Variants in GPR139 observed in about 807,000 individuals in gnomAD.
The protein encoded by GPR139 is G protein-coupled receptor 139.
Under a neutral mutation model 25.8 loss-of-function variants are expected in GPR139, and 12 were observed. That is an observed-to-expected ratio of 0.47 (90% CI 0.30 to 0.75). The LOEUF is 0.75. GPR139 is among the 30% of genes least tolerant of loss of function. The pLI is 0.07. For missense variants in GPR139, 380 were observed against 450.2 expected (o/e 0.84, Z 1.41); for synonymous variants, 184 against 179.9 (o/e 1.02, Z -0.18).
At chr16:20,061,135 C>T (rs1180440101) in intron 1 of GPR139, among the ~76,000 whole-genome samples, 8 of 151,934 alleles carry the variant, frequency 5.3e-5, no homozygotes, top group South Asian at 2.1e-4. Flanking sequence ...TGGTTCACCA[C>T]GTACCTAGCA....
In GPR139 at chr16:20,029,228, A is replaced by G. The variant is rs182436732; in HGVS notation, c.*2507T>C. Among the ~76,000 whole-genome samples the G allele has an allele frequency of 2.4e-3, 360 of 151,996 alleles. 1 individual carries two copies. The highest frequency in any genetic ancestry group is 8.2e-3 in the African/African-American group (339 of 41,328). ...AATACCACGTGGTAGAGCCTCTATC[A>G]TCGAGAAGTAATAAATTAAAGTGTC... On this transcript the variant is annotated 3_prime_UTR_variant, in exon 2 of 2. Coordinates refer to ENST00000570682, the MANE Select transcript of GPR139 (RefSeq NM_001002911.4).
At chr16:20,042,420 C>G (rs1456830664) in intron 1 of GPR139, among the ~76,000 whole-genome samples, 2 of 152,178 alleles carry the variant, frequency 1.3e-5, no homozygotes, top group Non-Finnish European at 2.9e-5. Context: ...ATTCCAGGCA[C>G]TAACAACCCT....
intron 1 of GPR139, among the ~76,000 whole-genome samples, chr16:20,057,661 A>G (rs2057394872): frequency 6.6e-6 from 1 of 151,818 alleles, no homozygotes; most frequent in Non-Finnish European, 1.5e-5. Flanking sequence ...CAGGCCCCCT[A>G]CCATGTGCCA....
At chr16:20,051,917 G>A (rs1157058670) in intron 1 of GPR139, among the ~76,000 whole-genome samples, 2 of 152,210 alleles carry the variant, frequency 1.3e-5, no homozygotes, top group Non-Finnish European at 2.9e-5. Flanking sequence ...CATACTTGCT[G>A]TGTGATGTTG....
At chr16:20,061,480 C>T (rs2057414285) in intron 1 of GPR139, among the ~76,000 whole-genome samples, 1 of 152,122 alleles carries the variant, frequency 6.6e-6, no homozygotes, top group South Asian at 2.1e-4. Flanking sequence ...GATGGCTGGA[C>T]AAATGAGTCA....
intron 1 of GPR139, among the ~76,000 whole-genome samples, chr16:20,057,601 C>A (rs542439716): frequency 6.6e-6 from 1 of 151,866 alleles, no homozygotes; most frequent in South Asian, 2.1e-4. Context: ...TCCCTCCACC[C>A]ATCCCTCCAT....
At chr16:20,055,966 C>T (rs905864260) in intron 1 of GPR139, among the ~76,000 whole-genome samples, 1 of 152,224 alleles carries the variant, frequency 6.6e-6, no homozygotes, top group Non-Finnish European at 1.5e-5. Flanking sequence ...GTGTTTAAAA[C>T]AGTATCTAAC....
chr16:20,055,032 A>G (rs1386411882), intron 1 of GPR139, among the ~76,000 whole-genome samples: 1 of 152,030 alleles, frequency 6.6e-6, no homozygotes, highest in African/African-American at 2.4e-5. Context: ...CCAGCCCCAG[A>G]TTATTTCATC....
At chr16:20,048,593 C>T (rs960690794) in intron 1 of GPR139, among the ~76,000 whole-genome samples, 6 of 152,182 alleles carry the variant, frequency 3.9e-5, no homozygotes, top group East Asian at 1.9e-4. Flanking sequence ...AGCAGGATAT[C>T]GCATGCCCCA....
chr16:20,052,453 A>G (rs928267548), intron 1 of GPR139, among the ~76,000 whole-genome samples: 1 of 152,250 alleles, frequency 6.6e-6, no homozygotes, highest in Non-Finnish European at 1.5e-5. Flanking sequence ...GCTGCTGATG[A>G]GACACGATTC....
chr16:20,053,694 G>A (rs1016780968), intron 1 of GPR139, among the ~76,000 whole-genome samples: 14 of 152,140 alleles, frequency 9.2e-5, no homozygotes, highest in African/African-American at 3.4e-4. Context: ...TAATCATTAC[G>A]AGATATTTCA....
In GPR139 at chr16:20,032,142, G is replaced by A. The variant is rs771899095; in HGVS notation, c.655C>T (p.Arg219Cys). 1.2e-6 allele frequency: 2 copies of A among 1,614,170 alleles called. No individual in the cohort carries two copies. Among genetic ancestry groups the A allele is most frequent in the Non-Finnish European group, 8.5e-7 (1 of 1,180,042 alleles). Residue 219 changes from arginine (R) to cysteine (C), a missense_variant, in exon 2 of 2, where the codon CGT (arginine) becomes TGT (cysteine). By Grantham distance (180) the Arg-to-Cys change is radical. Transcript: ENST00000570682. ...KLRRKSNFRL[R>C]GYSTGKTTAI... Reference sequence around the variant, plus strand: ...GTGGTCTTCCCCGTGGAGTAGCCACGGAGACGAAAATTGCTCTTCCTCCTG... The same window carrying A: ...GTGGTCTTCCCCGTGGAGTAGCCACAGAGACGAAAATTGCTCTTCCTCCTG...
At chr16:20,064,059 A>G (rs549036519) in intron 1 of GPR139, among the ~76,000 whole-genome samples, 1 of 152,314 alleles carries the variant, frequency 6.6e-6, no homozygotes, top group East Asian at 1.9e-4. Flanking sequence ...ATTGGATCTC[A>G]TGAGAACTCA....
At chr16:20,049,230 G>T (rs564060547) in intron 1 of GPR139, among the ~76,000 whole-genome samples, 1 of 152,082 alleles carries the variant, frequency 6.6e-6, no homozygotes, top group African/African-American at 2.4e-5. Context: ...ATGGATGAAC[G>T]GATGGATAGA....
chr16:20,060,827 C>T (rs1382580512), intron 1 of GPR139, among the ~76,000 whole-genome samples: 1 of 152,180 alleles, frequency 6.6e-6, no homozygotes, highest in Non-Finnish European at 1.5e-5. Flanking sequence ...CAGTCCCCTC[C>T]TGCCTCAGGG....
intron 1 of GPR139, chr16:20,070,965 A>G: frequency 1.0e-6 from 1 of 985,516 alleles, no homozygotes; most frequent in African/African-American, 1.7e-5. Flanking sequence ...TCCTCTGGTC[A>G]CTGGTGGGGC....
chr16:20,036,760 CAT>C (rs1299898912), intron 1 of GPR139, among the ~76,000 whole-genome samples: 11 of 152,198 alleles, frequency 7.2e-5, no homozygotes. Flanking sequence ...GAAACCATAT[CAT>C]GTGGTTAATA....
chr16:20,060,200 G>A (rs1289632992), intron 1 of GPR139, among the ~76,000 whole-genome samples: 2 of 152,034 alleles, frequency 1.3e-5, no homozygotes, highest in Non-Finnish European at 1.5e-5. Context: ...AAGCTGCAGC[G>A]AGAACAGAAC....
At position 20,032,622 on chromosome 16, in the gene GPR139, G is replaced by T; in HGVS notation, c.175C>A (p.Gln59Lys). 1 of 1,611,394 alleles carries T rather than the reference G, an allele frequency of 6.2e-7. No homozygotes were observed. Among genetic ancestry groups the T allele is most frequent in the Non-Finnish European group, 8.5e-7 (1 of 1,177,610 alleles). The change falls in exon 2 of 2, where the codon CAG (glutamine) becomes AAG (lysine). Residue 59 changes from glutamine (Q) to lysine (K), a missense_variant. By Grantham distance (53) the Gln-to-Lys change is moderately conservative. Coordinates refer to ENST00000570682, the MANE Select transcript of GPR139 (RefSeq NM_001002911.4). ...AAGAGATAGTTGTAGGAGGACTTCT[G>T]TCTTCTTGCCACCAGCTGGGAGAGG... ...IILSQLVARR[Q>K]KSSYNYLLAL...
Sources: gnomAD v4.1 joint callset for allele counts (sites outside exome capture counted in the v4.1 genomes callset) on GRCh38, gnomAD v4.1.1 for gene constraint, MANE v1.5 for transcripts, NCBI Gene and HGNC (gene_info 2026-07-23, HGNC 2026-07-21) for gene names.